Variants in RAPGEF2 observed in about 807,000 individuals in gnomAD.
RAPGEF2 encodes the protein PDZ domain containing guanine nucleotide exchange factor (GEF) 1.
Under a neutral mutation model 186.7 loss-of-function variants are expected in RAPGEF2, and 54 were observed. The observed-to-expected ratio is 0.29, with a 90% confidence interval of 0.23 to 0.36. The LOEUF (loss-of-function observed/expected upper bound fraction) is 0.36. Ranked by LOEUF, RAPGEF2 falls within the 10% of genes least tolerant of loss-of-function variation. The pLI is 1.00. For missense variants in RAPGEF2, 1,532 were observed against 2,045.0 expected (o/e 0.75, Z 4.84); for synonymous variants, 712 against 705.9 (o/e 1.01, Z -0.14).
chr4:159,127,180 C>T (rs1293906970), intron 1 of RAPGEF2, among the ~76,000 whole-genome samples: 2 of 152,186 alleles, frequency 1.3e-5, no homozygotes, highest in Non-Finnish European at 2.9e-5. Flanking sequence ...GCACACGCCA[C>T]CACACCAGGG....
chr4:159,206,192 A>C (rs1460739309), intron 3 of RAPGEF2, among the ~76,000 whole-genome samples: 4 of 152,194 alleles, frequency 2.6e-5, no homozygotes, highest in Admixed American at 1.3e-4. Context: ...TGCCTTCCGA[A>C]GTGCTGGGAT....
intron 22 of RAPGEF2, 129 bp from the exon 23 acceptor site, chr4:159,343,907 T>A (rs764306630): frequency 1.8e-4 from 154 of 845,150 alleles, no homozygotes; most frequent in Non-Finnish European, 2.7e-4. Context: ...GTGAGGTGAT[T>A]ATGCAGTTTA....
At chr4:159,286,492 CTG>C (rs753381796) in intron 7 of RAPGEF2, among the ~76,000 whole-genome samples, 3 of 152,144 alleles carry the variant, frequency 2.0e-5, no homozygotes, top group Non-Finnish European at 2.9e-5. Context: ...GTAGATCAAA[CTG>C]TTATTTCTGT....
intron 7 of RAPGEF2, among the ~76,000 whole-genome samples, chr4:159,302,537 G>GGT (rs143929170): frequency 0.013 from 2,033 of 152,000 alleles, 48 homozygotes; most frequent in African/African-American, 0.047. Context: ...GACGATGAAG[G>GGT]GTATCTATCC....
rs531253834 is a variant in RAPGEF2 at position 159,350,214 on chromosome 4, G to A, written c.3790G>A (p.Ala1264Thr). The A allele has an allele frequency of 2.8e-5, 44 of 1,594,892 alleles. No individual in the cohort carries two copies. The South Asian group carries it at 5.0e-4, about 18-fold the overall frequency. The change falls in exon 26 of 30, where the codon GCT becomes ACT. Residue 1264 changes from alanine (A) to threonine (T), a missense_variant. Ala to Thr is a moderately conservative substitution (Grantham distance 58). This residue lies in a region of RAPGEF2 where 594 missense variants were observed against 608.5 expected (regional missense o/e 0.98). Transcript: ENST00000691494. The stretch of plus-strand genomic sequence containing the variant: ...AAGTTTGGAACGTCACAAGAAACAG[G>A]CTGAAGATACAATATCAAATGCATC... ...EGSLERHKKQ[A>T]EDTISNASSQ...
At chr4:159,237,311 G>A (rs1276405084) in intron 4 of RAPGEF2, among the ~76,000 whole-genome samples, 2 of 152,106 alleles carry the variant, frequency 1.3e-5, no homozygotes, top group Non-Finnish European at 2.9e-5. Flanking sequence ...AGGTGCCATC[G>A]CGCGTGGCCG....
intron 3 of RAPGEF2, 136 bp from the exon 4 acceptor site, chr4:159,210,364 A>AT (rs1750401973): frequency 1.8e-6 from 1 of 549,614 alleles, no homozygotes; most frequent in African/African-American, 1.9e-5. Context: ...GAATAATGGT[A>AT]TTTTTATGAA....
intron 10 of RAPGEF2, 96 bp from the exon 11 acceptor site, chr4:159,323,363 G>T: frequency 9.8e-7 from 1 of 1,017,694 alleles, no homozygotes; most frequent in Admixed American, 2.7e-5. Flanking sequence ...CTCCAAAATG[G>T]AAGATCTGCT....
At chr4:159,143,509 C>T (rs1413135229) in intron 1 of RAPGEF2, among the ~76,000 whole-genome samples, 1 of 151,960 alleles carries the variant, frequency 6.6e-6, no homozygotes, top group Non-Finnish European at 1.5e-5. Context: ...GCAAATATTC[C>T]ACCGGGCCCA....
chr4:159,151,117 A>G (rs866235526), intron 1 of RAPGEF2, among the ~76,000 whole-genome samples: 4 of 152,238 alleles, frequency 2.6e-5, no homozygotes, highest in Non-Finnish European at 5.9e-5. Context: ...TATTAGTGTA[A>G]TTTATGATAG....
intron 11 of RAPGEF2, among the ~76,000 whole-genome samples, chr4:159,325,633 A>C (rs1765822348): frequency 6.6e-6 from 1 of 151,936 alleles, no homozygotes; most frequent in South Asian, 2.1e-4. Context: ...CCATTGCATT[A>C]ATACCCCTTA....
At chr4:159,107,451 T>A (rs1737999322) in intron 1 of RAPGEF2, among the ~76,000 whole-genome samples, 1 of 152,192 alleles carries the variant, frequency 6.6e-6, no homozygotes, top group East Asian at 1.9e-4. Flanking sequence ...AGTGTCTAAA[T>A]GCATACCATT....
At chr4:159,177,821 ACT>A (rs1746598833) in intron 1 of RAPGEF2, among the ~76,000 whole-genome samples, 1 of 152,150 alleles carries the variant, frequency 6.6e-6, no homozygotes. Flanking sequence ...TCAAGACGTA[ACT>A]CTCTAATTCA....
At chr4:159,124,832 T>G (rs755535278) in intron 1 of RAPGEF2, among the ~76,000 whole-genome samples, 2 of 152,208 alleles carry the variant, frequency 1.3e-5, no homozygotes, top group Non-Finnish European at 2.9e-5. Context: ...AATACTGTTA[T>G]TAACATAACT....
At chr4:159,321,516 T>C (rs1765231737) in intron 9 of RAPGEF2, among the ~76,000 whole-genome samples, 1 of 152,192 alleles carries the variant, frequency 6.6e-6, no homozygotes, top group South Asian at 2.1e-4. Flanking sequence ...TCTTGCCATC[T>C]CTTAATTATA....
intron 9 of RAPGEF2, among the ~76,000 whole-genome samples, chr4:159,321,714 G>A (rs144497099): frequency 6.6e-6 from 1 of 152,306 alleles, no homozygotes; most frequent in Admixed American, 6.5e-5. Context: ...TCAACAGCTA[G>A]AACCCTACCA....
chr4:159,303,960 T>C (rs143358200), intron 7 of RAPGEF2, among the ~76,000 whole-genome samples: 2 of 152,304 alleles, frequency 1.3e-5, no homozygotes, highest in East Asian at 3.9e-4. Context: ...AAATGTGTTT[T>C]CTTGTTTAAA....
At chr4:159,346,206 A>G (rs1730283413) in intron 24 of RAPGEF2, among the ~76,000 whole-genome samples, 1 of 152,230 alleles carries the variant, frequency 6.6e-6, no homozygotes, top group Non-Finnish European at 1.5e-5. Flanking sequence ...TTAAAATGCT[A>G]CATATACAAC....
chr4:159,269,350 T>C (rs925354992), intron 7 of RAPGEF2, among the ~76,000 whole-genome samples: 5 of 152,188 alleles, frequency 3.3e-5, no homozygotes, highest in Non-Finnish European at 7.3e-5. Flanking sequence ...AAGCATGTTA[T>C]GACGCTGCAC....
Sources: gnomAD v4.1 joint callset for allele counts (sites outside exome capture counted in the v4.1 genomes callset) on GRCh38, gnomAD v4.1.1 for gene constraint, gnomAD v4.1.1 regional missense constraint, MANE v1.5 for transcripts, NCBI Gene and HGNC (gene_info 2026-07-23, HGNC 2026-07-21) for gene names.